Variants in CELF3 observed in about 807,000 individuals in gnomAD.
CELF3 encodes CAG repeat domain.
In CELF3, 26 loss-of-function variants were observed where a neutral mutation model predicts 59.6. The observed-to-expected ratio is 0.44, with a 90% CI of 0.32 to 0.61. The LOEUF (loss-of-function observed/expected upper bound fraction) is 0.61. CELF3 is among the 20% of genes least tolerant of loss of function. The pLI is 0.06. For synonymous variants in CELF3, 245 were observed against 250.7 expected (o/e 0.98, Z 0.22); for missense variants, 387 against 627.2 (o/e 0.62, Z 4.09).
At position 151,706,314 on chromosome 1, in the gene CELF3, G is replaced by A; in HGVS notation, c.1036C>T (p.Pro346Ser). 6.4e-7 allele frequency: 1 copy of A among 1,556,552 alleles called. No homozygotes were observed. Among genetic ancestry groups the A allele is most frequent in the Non-Finnish European group, 8.7e-7 (1 of 1,150,302 alleles). Residue 346 changes from proline to serine, a missense_variant, in exon 10 of 13, where the codon CCT becomes TCT. Coordinates refer to ENST00000290583, the MANE Select transcript of CELF3 (RefSeq NM_007185.7). ...GGCTGCTGGGCGACCAGGGCTGGAG[G>A]CTGCGGGAACGCAGGTGCAACCAGG... Reference protein sequence around the residue: ...YSLVAPAFPQPPALVAQQPPP... With the variant: ...YSLVAPAFPQSPALVAQQPPP...
chr1:151,702,929 T>G lies in CELF3; in HGVS notation c.*530A>C, dbSNP rs1672187928. 4 of 295,472 alleles carry G rather than the reference T, an allele frequency of 1.4e-5. No individual in the cohort carries two copies. Among genetic ancestry groups the G allele is most frequent in the Non-Finnish European group, 2.7e-5 (4 of 146,244 alleles). 18.3% of individuals were successfully genotyped at this position (295,472 alleles called of 1,614,324 possible). A position where few individuals can be genotyped will look rare whatever the true frequency, so the allele number is the denominator to read the frequency against. On this transcript the variant is annotated 3_prime_UTR_variant, in exon 13 of 13. Transcript: ENST00000290583. ...TAGAGGGGGCCCTTGGGGGAGGCAG[T>G]GAGTTTTAGGGCTGGGAGCCCAGGA...
intron 12 of CELF3, among the ~76,000 whole-genome samples, chr1:151,704,112 T>C (rs1457234249): frequency 2.0e-5 from 3 of 151,768 alleles, no homozygotes; most frequent in Non-Finnish European, 2.9e-5. Flanking sequence ...GACAACACGC[T>C]CGTTCCATGC....
At chr1:151,708,884 TC>T in intron 5 of CELF3, 113 bp downstream of exon 5, 1 of 960,450 alleles carries the variant, frequency 1.0e-6, no homozygotes, top group South Asian at 1.6e-5. Flanking sequence ...GCCAGGACAT[TC>T]CTTTCCAATA....
At chr1:151,707,052 C>T in intron 8 of CELF3, 93 bp downstream of exon 8, 2 of 1,347,040 alleles carry the variant, frequency 1.5e-6, no homozygotes, top group Admixed American at 3.3e-5. Flanking sequence ...ACCTGTACCC[C>T]CAAAGCTGGG....
At position 151,709,341 on chromosome 1, in the gene CELF3, C is replaced by G; in HGVS notation, c.285G>C (p.Arg95=). 6.2e-7 allele frequency: 1 copy of G among 1,614,068 alleles called. No individual in the cohort carries two copies. The highest frequency in any genetic ancestry group is 2.2e-5 in the East Asian group (1 of 44,880). Residue 95 remains arginine, a synonymous_variant, in exon 4 of 13, where the codon CGG becomes CGC. Transcript: ENST00000290583. This position sits in a 1 kb window ranked among gnomAD's most constrained non-coding sequence, Gnocchi z 4.9. ...TCCCTAGCATCCCCACAAAGAGCTT[C>G]CGGTCTTCTGGGTGGTAGGGCACAG... The part of the protein sequence containing the change: ...PADSESRGED[R]KLFVGMLGKQ...
At position 151,705,829 on chromosome 1, in the gene CELF3, T is replaced by C; in HGVS notation, c.1263A>G (p.Lys421=). The change falls in exon 11 of 13, where the codon AAA becomes AAG. Residue 421 remains lysine (K), a synonymous_variant. Coordinates refer to ENST00000290583, the MANE Select transcript of CELF3 (RefSeq NM_007185.7). This position sits in a 1 kb window ranked among gnomAD's most constrained non-coding sequence, Gnocchi z 5.1. The part of the protein sequence containing the change: ...VFVDRATNQS[K]CFGFVSFDNP... ...GCCATATCATATTCTTACCAAAACATTTGCTTTGATTGGTGGCTCGGTCAA... is the reference window on the plus strand; with the variant it reads ...GCCATATCATATTCTTACCAAAACACTTGCTTTGATTGGTGGCTCGGTCAA... The C allele has an allele frequency of 6.2e-7, 1 of 1,614,100 alleles. No individual in the cohort carries two copies. Among genetic ancestry groups the C allele is most frequent in the Non-Finnish European group, 8.5e-7 (1 of 1,180,022 alleles).
At chr1:151,703,775 C>T (rs1160078570) in intron 12 of CELF3, among the ~76,000 whole-genome samples, 1 of 151,788 alleles carries the variant, frequency 6.6e-6, no homozygotes, top group South Asian at 2.1e-4. Context: ...GCAGAGAAAT[C>T]GAGAGAGAGA....
At chr1:151,708,904 T>C (rs1571920076) in intron 5 of CELF3, 94 bp downstream of exon 5, 2 of 1,111,088 alleles carry the variant, frequency 1.8e-6, no homozygotes, top group Admixed American at 2.2e-5. Context: ...TAAATTCAAA[T>C]AGCCCATCCT....
intron 6 of CELF3, 69 bp downstream of exon 6, chr1:151,707,723 G>A: frequency 2.5e-6 from 4 of 1,600,558 alleles, no homozygotes; most frequent in Non-Finnish European, 2.6e-6. Flanking sequence ...CGGGGCCTTG[G>A]CATCGGGAGG....
chr1:151,713,315 A>G (rs1193968915), intron 2 of CELF3, among the ~76,000 whole-genome samples: 1 of 152,198 alleles, frequency 6.6e-6, no homozygotes, highest in East Asian at 1.9e-4. Context: ...CTGAGCTGCC[A>G]GGCAGCTGGA....
At position 151,709,145 on chromosome 1, in the gene CELF3, C is replaced by T. The variant is rs1029715805; in HGVS notation, c.407-68G>A. On this transcript the variant is annotated intron_variant, in intron 4 of 12. Transcript: ENST00000290583. This position sits in a 1 kb window ranked among gnomAD's most constrained non-coding sequence, Gnocchi z 4.9. ...CCCTGCGGGACCCCGCGGTGGAACC[C>T]GATGCCTAGGGAGTCTTGGGGGTGG... 90 of 1,605,346 alleles carry T rather than the reference C, an allele frequency of 5.6e-5. 1 individual carries two copies. Among genetic ancestry groups the T allele is most frequent in the Admixed American group, 1.0e-4 (6 of 59,808 alleles).
chr1:151,704,064 C>T lies in CELF3; in HGVS notation c.*11-616G>A, dbSNP rs542772036. 9.8e-4 allele frequency among the ~76,000 whole-genome samples: 149 copies of T among 152,298 alleles called. 1 individual carries two copies. Among genetic ancestry groups the T allele is most frequent in the Non-Finnish European group, 1.7e-3 (119 of 68,014 alleles). On this transcript the variant is annotated intron_variant, in intron 12 of 12. Coordinates refer to ENST00000290583, the MANE Select transcript of CELF3 (RefSeq NM_007185.7). ...CCTTGGGCTTGGGGGTGCTTCCCTC[C>T]GCGGCCCCTCCCCAAAGAACAAACA... is the stretch of plus-strand genomic sequence containing the variant.
intron 2 of CELF3, among the ~76,000 whole-genome samples, chr1:151,712,975 A>G (rs1394130664): frequency 1.3e-5 from 2 of 151,994 alleles, no homozygotes; most frequent in Non-Finnish European, 2.9e-5. Context: ...CTGAGGGGAG[A>G]ATGCAGGTAG....
At chr1:151,707,399 TGA>T in intron 7 of CELF3, 105 bp from the exon 8 acceptor site, 1 of 1,541,122 alleles carries the variant, frequency 6.5e-7, no homozygotes. Flanking sequence ...CAGGCCTCTC[TGA>T]CCCCTGAGTC....
intron 2 of CELF3, among the ~76,000 whole-genome samples, chr1:151,712,966 T>A (rs1673151453): frequency 6.6e-6 from 1 of 151,932 alleles, no homozygotes; most frequent in Non-Finnish European, 1.5e-5. Flanking sequence ...AAACACACAC[T>A]GAGGGGAGAA....
intron 2 of CELF3, among the ~76,000 whole-genome samples, chr1:151,711,642 G>C (rs775847727): frequency 6.6e-6 from 1 of 152,236 alleles, no homozygotes; most frequent in East Asian, 1.9e-4. Flanking sequence ...CAGATGCTCA[G>C]GGTGCATGGG....
In CELF3 at chr1:151,700,857, C is replaced by T. The variant is rs907743219; in HGVS notation, c.*2602G>A. 6.6e-6 allele frequency among the ~76,000 whole-genome samples: 1 copy of T among 152,148 alleles called. No homozygotes were observed. The highest frequency in any genetic ancestry group is 2.4e-5 in the African/African-American group (1 of 41,418). ...ATGGGAGAAAGTTTTAGCATTGGCCCTATGATGATGTAGATATGGATGGGA... is the reference window on the plus strand; with the variant it reads ...ATGGGAGAAAGTTTTAGCATTGGCCTTATGATGATGTAGATATGGATGGGA... On this transcript the variant is annotated 3_prime_UTR_variant, in exon 13 of 13. Coordinates refer to ENST00000290583, the MANE Select transcript of CELF3 (RefSeq NM_007185.7).
In CELF3 at chr1:151,709,641, T is replaced by G; in HGVS notation, c.277+102A>C. 5 of 1,227,386 alleles carry G rather than the reference T, an allele frequency of 4.1e-6. No homozygotes were observed. The highest frequency in any genetic ancestry group is 6.0e-6 in the Non-Finnish European group (5 of 829,222). The allele number at this position is 1,227,386 out of a possible 1,614,324, so 76.0% of individuals were successfully genotyped here. ...CACCGCAGCTGGGAACTCTTCAGAA[T>G]CATCAGGCTTTCTCCCTCAAGAAAG... is the stretch of plus-strand genomic sequence containing the variant. On this transcript the variant is annotated intron_variant, in intron 3 of 12. Transcript: ENST00000290583. The surrounding 1 kb of genome is among the most constrained non-coding windows in gnomAD (Gnocchi z 4.9).
chr1:151,706,053 G>C (rs1367105783), intron 10 of CELF3, 88 bp from the exon 11 acceptor site: 31 of 1,591,610 alleles, frequency 1.9e-5, no homozygotes, highest in Non-Finnish European at 2.6e-5. Flanking sequence ...GCAGATCCTG[G>C]GAGTGCCCTC....
Sources: gnomAD v4.1 joint callset for allele counts (sites outside exome capture counted in the v4.1 genomes callset) on GRCh38, gnomAD v4.1.1 for gene constraint, Gnocchi (gnomAD v3.1) non-coding constraint, MANE v1.5 for transcripts, NCBI Gene and HGNC (gene_info 2026-07-23, HGNC 2026-07-21) for gene names.